The following ZNRF1 variants were observed in gnomAD, a reference collection of about 807,000 sequenced individuals.
ZNRF1 encodes the protein zinc and ring finger 1.
ZNRF1 carries 3 observed loss-of-function variants against 18.4 expected under a neutral mutation model. The ratio of observed to expected loss-of-function variants is 0.16; its 90% confidence interval spans 0.07 to 0.42. The LOEUF is 0.42. ZNRF1 is among the 10% of genes least tolerant of loss of function. The pLI is 0.99. For synonymous variants in ZNRF1, 157 were observed against 144.2 expected, an observed-to-expected ratio of 1.09 and a Z score of -0.64; for missense variants, 310 against 329.8, an observed-to-expected ratio of 0.94 and a Z score of 0.47.
Position 75,050,549 on chromosome 16 carries a change from G to A in ZNRF1, c.425-43023G>A, listed in dbSNP as rs370464977. Among the ~76,000 whole-genome samples the A allele has an allele frequency of 1.6e-4, 24 of 149,742 alleles. 2 individuals carry two copies. The highest frequency in any genetic ancestry group is 1.3e-3 in the South Asian group (6 of 4,692). ...TCAACAATCAATCAATCGATCGTGTGTTCCTGATATTAAAAAAAAAATAAA... is the reference window on the plus strand; with the variant it reads ...TCAACAATCAATCAATCGATCGTGTATTCCTGATATTAAAAAAAAAATAAA... On this transcript the variant is annotated intron_variant, in intron 1 of 4. Transcript: ENST00000335325.
chr16:75,047,552 G>A (rs1252709331), intron 1 of ZNRF1, among the ~76,000 whole-genome samples: 4 of 152,128 alleles, frequency 2.6e-5, no homozygotes, highest in African/African-American at 9.7e-5. Flanking sequence ...TTTTGTGTCT[G>A]TTTGTTTTCT....
intron 1 of ZNRF1, among the ~76,000 whole-genome samples, chr16:75,027,016 C>A (rs1480179528): frequency 6.6e-6 from 1 of 152,126 alleles, no homozygotes; most frequent in Non-Finnish European, 1.5e-5. Flanking sequence ...GAATCCTCAC[C>A]CCTTGAGGTG....
chr16:75,041,777 G>A (rs1223336974), intron 1 of ZNRF1, among the ~76,000 whole-genome samples: 1 of 150,066 alleles, frequency 6.7e-6, no homozygotes, highest in East Asian at 2.0e-4. Context: ...TCTCTCAGGA[G>A]TTCGAGACCA....
chr16:75,038,749 C>T (rs930175920), intron 1 of ZNRF1, among the ~76,000 whole-genome samples: 1 of 152,210 alleles, frequency 6.6e-6, no homozygotes, highest in Admixed American at 6.5e-5. Context: ...GATCTGCAGT[C>T]TGGCTCTTTC....
chr16:75,029,880 C>G (rs1597867742), intron 1 of ZNRF1, among the ~76,000 whole-genome samples: 2 of 151,746 alleles, frequency 1.3e-5, no homozygotes, highest in African/African-American at 4.8e-5. Flanking sequence ...ACTAAAACTA[C>G]AAAAATTAGC....
At chr16:75,032,496 T>G (rs1281236388) in intron 1 of ZNRF1, among the ~76,000 whole-genome samples, 1 of 152,118 alleles carries the variant, frequency 6.6e-6, no homozygotes, top group African/African-American at 2.4e-5. Context: ...CAATTGTCAT[T>G]GCACTCCAGC....
intron 2 of ZNRF1, among the ~76,000 whole-genome samples, chr16:75,102,351 G>A (rs1001874201): frequency 3.9e-5 from 6 of 152,126 alleles, no homozygotes; most frequent in African/African-American, 9.7e-5. Context: ...ATCCTCATTC[G>A]CAAAATGAGA....
At chr16:75,096,549 T>C (rs956470435) in intron 2 of ZNRF1, among the ~76,000 whole-genome samples, 14 of 152,198 alleles carry the variant, frequency 9.2e-5, no homozygotes, top group Non-Finnish European at 1.9e-4. Flanking sequence ...TTGGAATCTT[T>C]CTGGAAAGGG....
At chr16:75,014,231 T>C (rs2035037345) in intron 1 of ZNRF1, among the ~76,000 whole-genome samples, 1 of 152,192 alleles carries the variant, frequency 6.6e-6, no homozygotes, top group Non-Finnish European at 1.5e-5. Context: ...ACAGGTATAA[T>C]TGTATGTACC....
rs1272084557 is a variant in ZNRF1, at chr16:74,999,557, G to A, written c.-115G>A. 4.1e-6 allele frequency: 3 copies of A among 729,354 alleles called. No individual in the cohort carries two copies. The highest frequency in any genetic ancestry group is 3.7e-5 in the African/African-American group (2 of 54,558). 45.2% of individuals were successfully genotyped at this position (729,354 alleles called of 1,614,324 possible). ...TTGCTTTTTTTCCTTTTCTCCCTCC[G>A]GGTCTCCTTTTTGACTCCCTCCCCC... is the stretch of plus-strand genomic sequence containing the variant. On this transcript the variant is annotated 5_prime_UTR_variant, in exon 1 of 5. Coordinates refer to ENST00000335325, the MANE Select transcript of ZNRF1 (RefSeq NM_032268.5).
intron 1 of ZNRF1, among the ~76,000 whole-genome samples, chr16:75,056,132 T>G (rs2145380527): frequency 6.6e-6 from 1 of 152,356 alleles, no homozygotes; most frequent in African/African-American, 2.4e-5. Context: ...CATATCACAT[T>G]AAGACTCCTT....
At position 75,062,584 on chromosome 16, in the gene ZNRF1, C is replaced by T. The variant is rs545212408; in HGVS notation, c.425-30988C>T. The stretch of plus-strand genomic sequence containing the variant: ...CAGGATCACCCGGGAGGAGCAGGGA[C>T]GCCCCCTTATCAGGCTTCTCTTGGC... On this transcript the variant is annotated intron_variant, in intron 1 of 4. Coordinates refer to ENST00000335325, the MANE Select transcript of ZNRF1 (RefSeq NM_032268.5). Among the ~76,000 whole-genome samples the T allele has an allele frequency of 1.1e-4, 17 of 152,354 alleles. 1 individual carries two copies. The highest frequency in any genetic ancestry group is 3.4e-4 in the African/African-American group (14 of 41,578).
intron 1 of ZNRF1, among the ~76,000 whole-genome samples, chr16:75,047,846 C>T (rs1314582144): frequency 6.6e-6 from 1 of 152,136 alleles, no homozygotes; most frequent in Non-Finnish European, 1.5e-5. Context: ...AAGGTATTAG[C>T]AGGGTTGTTT....
chr16:75,099,471 G>A (rs1365790245), intron 2 of ZNRF1, among the ~76,000 whole-genome samples: 1 of 152,054 alleles, frequency 6.6e-6, no homozygotes, highest in African/African-American at 2.4e-5. Context: ...TTGGTTCCCT[G>A]GTCTGGTTAG....
chr16:75,090,179 C>T (rs529496464), intron 1 of ZNRF1, among the ~76,000 whole-genome samples: 1 of 152,190 alleles, frequency 6.6e-6, no homozygotes. Flanking sequence ...GGGACTTAGG[C>T]TGGATCGGAA....
intron 1 of ZNRF1, among the ~76,000 whole-genome samples, chr16:75,022,563 C>T (rs1472536055): frequency 1.4e-5 from 2 of 147,922 alleles, no homozygotes; most frequent in Non-Finnish European, 3.0e-5. Flanking sequence ...GAGACTCCGT[C>T]TCAAAAAAAA....
At position 75,069,476 on chromosome 16, in the gene ZNRF1, C is replaced by T. The variant is rs1450480465; in HGVS notation, c.425-24096C>T. On this transcript the variant is annotated intron_variant, in intron 1 of 4. Coordinates refer to ENST00000335325, the MANE Select transcript of ZNRF1 (RefSeq NM_032268.5). ...TTGCCCAGGCTGGAGTACAGTGGCG[C>T]GATCTCGGCTCACTGCAACCTCCAC... Among the ~76,000 whole-genome samples, 7 of 152,130 alleles carry T rather than the reference C, an allele frequency of 4.6e-5. 1 individual carries two copies. The highest frequency in any genetic ancestry group is 3.9e-4 in the Admixed American group (6 of 15,282).
chr16:75,010,701 G>GTTTTTTT lies in ZNRF1; in HGVS notation c.424+10609_424+10615dup, dbSNP rs1334552920. Among the ~76,000 whole-genome samples, 295 of 63,774 alleles carry GTTTTTTT rather than the reference G, an allele frequency of 4.6e-3. 10 individuals carry two copies. The highest frequency in any genetic ancestry group is 0.013 in the Middle Eastern group (1 of 78). The allele number at this position is 63,774 out of a possible 152,430, so 41.8% of individuals were successfully genotyped here. A position where few individuals can be genotyped will look rare whatever the true frequency, so the allele number is the denominator to read the frequency against. Reference sequence around the variant, plus strand: ...AAATTAGTCACCTCTGTACTGTACTGTTTTTTTTTGTTTTTTTGTTTTTTT... The same window carrying GTTTTTTT: ...AAATTAGTCACCTCTGTACTGTACTGTTTTTTTTTTTTTTTTGTTTTTTTGTTTTTTT... On this transcript the variant is annotated intron_variant, in intron 1 of 4. Transcript: ENST00000335325.
chr16:75,022,063 C>T (rs2035157444), intron 1 of ZNRF1, among the ~76,000 whole-genome samples: 2 of 152,164 alleles, frequency 1.3e-5, no homozygotes, highest in Admixed American at 6.5e-5. Context: ...ACTAATCCTT[C>T]CGTCCGTCCA....
Sources: allele counts gnomAD v4.1 joint callset (sites outside exome capture counted in the v4.1 genomes callset), GRCh38; gene constraint gnomAD v4.1.1; transcripts MANE v1.5; gene names NCBI Gene and HGNC (gene_info 2026-07-23, HGNC 2026-07-21).